The following FKBP5 variants were observed in gnomAD, a reference collection of about 807,000 sequenced individuals.
The protein encoded by FKBP5 is peptidyl-prolyl cis-trans isomerase FKBP5.
A neutral mutation model predicts 50.5 loss-of-function variants in FKBP5; 23 were observed. That is an observed-to-expected ratio of 0.46 (90% CI 0.33 to 0.65). FKBP5 has a LOEUF of 0.65. Ranked by LOEUF, FKBP5 falls within the 30% of genes least tolerant of loss-of-function variation. FKBP5 has a pLI of 0.02. For missense variants in FKBP5, 411 were observed against 553.1 expected, an observed-to-expected ratio of 0.74 and a Z score of 2.58; for synonymous variants, 176 against 190.6, an observed-to-expected ratio of 0.92 and a Z score of 0.63.
chr6:35,584,924 A>C, intron 8 of FKBP5: 1 of 985,432 alleles, frequency 1.0e-6, no homozygotes, highest in Non-Finnish European at 1.2e-6. Context: ...AAGTTAAGTA[A>C]CTGTACAGAC....
At position 35,714,337 on chromosome 6, in the gene FKBP5, A is replaced by G. The variant is rs1387837256; in HGVS notation, c.-20+5991T>C. ...CGTGGTGGCATGTGCCTGTAATCCC[A>G]GCTACTCAGGAGGCTGAGGCAGGAG... On this transcript the variant is annotated intron_variant, in intron 2 of 11. Coordinates refer to the FKBP5 transcript ENST00000536438. Among the ~76,000 whole-genome samples the G allele has an allele frequency of 5.4e-5, 3 of 55,474 alleles. No homozygotes were observed. The East Asian group carries it at 1.9e-3, about 36-fold the overall frequency. The allele number at this position is 55,474 out of a possible 152,430, so 36.4% of individuals were successfully genotyped here. A position where few individuals can be genotyped will look rare whatever the true frequency, so the allele number is the denominator to read the frequency against.
chr6:35,617,625 GCTCA>G (rs1421739468), intron 5 of FKBP5, among the ~76,000 whole-genome samples: 6 of 152,176 alleles, frequency 3.9e-5, no homozygotes, highest in Non-Finnish European at 5.9e-5. Context: ...AAGGATTTCA[GCTCA>G]CTAATGACAC....
intron 1 of FKBP5, among the ~76,000 whole-genome samples, chr6:35,663,545 C>T (rs1016780453): frequency 6.6e-6 from 1 of 152,202 alleles, no homozygotes; most frequent in Non-Finnish European, 1.5e-5. Flanking sequence ...CCTATACATG[C>T]TGATCACTCG....
At chr6:35,718,154 T>A (rs1033761879) in intron 2 of FKBP5, among the ~76,000 whole-genome samples, 1 of 151,936 alleles carries the variant, frequency 6.6e-6, no homozygotes, top group South Asian at 2.1e-4. Flanking sequence ...AATTAGGCCA[T>A]AAACGATTAG....
intron 6 of FKBP5, among the ~76,000 whole-genome samples, chr6:35,596,881 C>A (rs1762998053): frequency 6.6e-6 from 1 of 152,060 alleles, no homozygotes; most frequent in Non-Finnish European, 1.5e-5. Flanking sequence ...TTCTTTGACT[C>A]CCAACCCCCA....
At chr6:35,620,496 A>C (rs1763799568) in intron 3 of FKBP5, among the ~76,000 whole-genome samples, 2 of 150,464 alleles carry the variant, frequency 1.3e-5, no homozygotes, top group Admixed American at 1.3e-4. Context: ...TGGGAGGCTG[A>C]GGTGGGAGGA....
At chr6:35,691,579 T>C (rs1765987899), upstream of FKBP5, among the ~76,000 whole-genome samples, 1 of 151,466 alleles carries the variant, frequency 6.6e-6, no homozygotes, top group Admixed American at 6.6e-5. Flanking sequence ...TACACGGTTC[T>C]TTTTTTTTCT....
chr6:35,597,537 A>G, intron 5 of FKBP5, 133 bp from the exon 6 acceptor site: 3 of 1,039,394 alleles, frequency 2.9e-6, no homozygotes, highest in South Asian at 3.6e-5. Context: ...AGACACACAC[A>G]GTGTGTCTTG....
At chr6:35,659,772 T>A (rs1452299987) in intron 1 of FKBP5, among the ~76,000 whole-genome samples, 1 of 85,336 alleles carries the variant, frequency 1.2e-5, no homozygotes, top group Non-Finnish European at 2.7e-5. Flanking sequence ...TCTCTCTGAT[T>A]CCTGATTAGT....
chr6:35,612,083 T>C (rs976175647), intron 5 of FKBP5, among the ~76,000 whole-genome samples: 14 of 152,180 alleles, frequency 9.2e-5, no homozygotes, highest in East Asian at 5.8e-4. Context: ...ATGGATGACA[T>C]GTAGGAGATA....
intron 3 of FKBP5, among the ~76,000 whole-genome samples, chr6:35,620,661 A>G (rs1206821447): frequency 6.6e-6 from 1 of 151,924 alleles, no homozygotes; most frequent in Non-Finnish European, 1.5e-5. Flanking sequence ...GTGGGAGGAC[A>G]GCTTAAGCCT....
intron 3 of FKBP5, among the ~76,000 whole-genome samples, chr6:35,627,302 TG>T (rs1267753158): frequency 6.6e-6 from 1 of 152,196 alleles, no homozygotes; most frequent in Non-Finnish European, 1.5e-5. Flanking sequence ...TCAAGCCCTT[TG>T]CCCAGTTTTT....
chr6:35,665,288 C>T (rs538952776), intron 1 of FKBP5, among the ~76,000 whole-genome samples: 108 of 147,738 alleles, frequency 7.3e-4, no homozygotes, highest in Admixed American at 1.4e-3. Context: ...CTAGTAAATG[C>T]TCCTCTTTTT....
chr6:35,605,381 ATCTT>A (rs1472264035), intron 5 of FKBP5, among the ~76,000 whole-genome samples: 5 of 90,440 alleles, frequency 5.5e-5, no homozygotes, highest in Non-Finnish European at 1.1e-4. Flanking sequence ...CTATGACAAT[ATCTT>A]TTTTTTTTTT....
intron 3 of FKBP5, among the ~76,000 whole-genome samples, chr6:35,623,159 G>A (rs1396472064): frequency 2.0e-5 from 3 of 152,174 alleles, no homozygotes; most frequent in Non-Finnish European, 2.9e-5. Flanking sequence ...GGAGAATGGC[G>A]TGAACCCAGA....
chr6:35,716,651 G>A (rs571055203), intron 2 of FKBP5, among the ~76,000 whole-genome samples: 63 of 152,192 alleles, frequency 4.1e-4, no homozygotes, highest in Non-Finnish European at 7.6e-4. Flanking sequence ...AGTGACTGCC[G>A]CTGAATTGGA....
intron 1 of FKBP5, among the ~76,000 whole-genome samples, chr6:35,663,419 C>G (rs1765125433): frequency 6.6e-6 from 1 of 152,194 alleles, no homozygotes; most frequent in African/African-American, 2.4e-5. Flanking sequence ...GGAACTGAGG[C>G]ATTTTTAAGA....
At chr6:35,687,103 C>T (rs912783021) in intron 1 of FKBP5, among the ~76,000 whole-genome samples, 2 of 152,128 alleles carry the variant, frequency 1.3e-5, no homozygotes, top group Non-Finnish European at 2.9e-5. Context: ...AATAAACTAG[C>T]ATAATTAAAT....
chr6:35,623,168 G>C (rs1763898217), intron 3 of FKBP5, among the ~76,000 whole-genome samples: 1 of 152,254 alleles, frequency 6.6e-6, no homozygotes, highest in African/African-American at 2.4e-5. Flanking sequence ...CGTGAACCCA[G>C]AAGGAGGAGC....
Sources: gnomAD v4.1 joint callset for allele counts (sites outside exome capture counted in the v4.1 genomes callset) on GRCh38, gnomAD v4.1.1 for gene constraint, MANE v1.5 for transcripts, NCBI Gene and HGNC (gene_info 2026-07-23, HGNC 2026-07-21) for gene names.